NFIB: variants seen among roughly 807,000 people sequenced by gnomAD.
NFIB encodes the protein nuclear factor I B.
Under a neutral mutation model 61.5 loss-of-function variants are expected in NFIB, and 11 were observed. The ratio of observed to expected loss-of-function variants is 0.18; its 90% CI spans 0.11 to 0.30. The LOEUF (loss-of-function observed/expected upper bound fraction) is 0.30. Ranked by LOEUF, NFIB falls within the 10% of genes least tolerant of loss-of-function variation. The probability of loss-of-function intolerance (pLI) is 1.00; values close to 1 mark genes in which losing one functional copy is unlikely to be tolerated. For synonymous variants in NFIB, 260 were observed against 216.5 expected, an observed-to-expected ratio of 1.20 and a Z score of -1.76; for missense variants, 471 against 608.9, an observed-to-expected ratio of 0.77 and a Z score of 2.38.
the NFIB span, among the ~76,000 whole-genome samples, chr9:14,484,209 A>G: frequency 4.6e-5 from 7 of 152,348 alleles, no homozygotes; most frequent in Admixed American, 2.0e-4. Flanking sequence ...CTGGGGCACT[A>G]GACATAGAAT....
chr9:14,227,274 A>C (rs965566705), intron 2 of NFIB, among the ~76,000 whole-genome samples: 2 of 152,212 alleles, frequency 1.3e-5, no homozygotes. Context: ...TCATTGTCTA[A>C]ATGGATTCCC....
intron 2 of NFIB, among the ~76,000 whole-genome samples, chr9:14,287,653 C>T (rs2058806845): frequency 6.6e-6 from 1 of 151,770 alleles, no homozygotes; most frequent in Admixed American, 6.6e-5. Context: ...AACTACTGAC[C>T]TCGTGATCCG....
chr9:14,219,015 C>A (rs1300805531), intron 2 of NFIB, among the ~76,000 whole-genome samples: 1 of 152,150 alleles, frequency 6.6e-6, no homozygotes, highest in African/African-American at 2.4e-5. Flanking sequence ...TTGCCTCATT[C>A]TCCTGCTGCA....
At chr9:14,321,712 C>T (rs1257171551) in intron 1 of NFIB, among the ~76,000 whole-genome samples, 1 of 152,166 alleles carries the variant, frequency 6.6e-6, no homozygotes, top group Non-Finnish European at 1.5e-5. Flanking sequence ...GAGTGTGTCA[C>T]ATGTACTAAA....
chr9:14,323,724 C>T (rs1384959059), intron 1 of NFIB, among the ~76,000 whole-genome samples: 2 of 152,148 alleles, frequency 1.3e-5, no homozygotes, highest in Non-Finnish European at 2.9e-5. Context: ...ATTATGTTTA[C>T]CCTCAAAGTC....
chr9:14,291,096 G>A (rs2059063247), intron 2 of NFIB, among the ~76,000 whole-genome samples: 2 of 152,078 alleles, frequency 1.3e-5, no homozygotes, highest in South Asian at 4.1e-4. Context: ...GTTTCAATGT[G>A]TTAATCTTTG....
chr9:14,304,477 C>A (rs942396229), intron 2 of NFIB, among the ~76,000 whole-genome samples: 1 of 152,210 alleles, frequency 6.6e-6, no homozygotes, highest in Non-Finnish European at 1.5e-5. Flanking sequence ...TCACAGGCAT[C>A]CTGAGCTAAA....
intron 1 of NFIB, among the ~76,000 whole-genome samples, chr9:14,358,132 G>T (rs2061197412): frequency 1.3e-5 from 2 of 151,648 alleles, no homozygotes; most frequent in Non-Finnish European, 1.5e-5. Context: ...TTAAATGGAT[G>T]AATTGCACAA....
chr9:14,328,595 T>C (rs2060783250), intron 1 of NFIB, among the ~76,000 whole-genome samples: 1 of 152,076 alleles, frequency 6.6e-6, no homozygotes, highest in African/African-American at 2.4e-5. Flanking sequence ...AAAAATTTGT[T>C]TCATGTGCAT....
intron 10 of NFIB, among the ~76,000 whole-genome samples, chr9:14,098,972 A>G (rs1455129009): frequency 6.6e-6 from 1 of 152,196 alleles, no homozygotes; most frequent in Non-Finnish European, 1.5e-5. Flanking sequence ...GATGGAGGAA[A>G]TCTTCCAGCT....
intron 2 of NFIB, among the ~76,000 whole-genome samples, chr9:14,201,322 C>T (rs1485910904): frequency 6.6e-6 from 1 of 152,160 alleles, no homozygotes; most frequent in East Asian, 1.9e-4. Context: ...CCCAGCCTAG[C>T]CTCACTCTCA....
the NFIB span, among the ~76,000 whole-genome samples, chr9:14,414,560 G>A: frequency 2.3e-5 from 3 of 133,332 alleles, no homozygotes; most frequent in African/African-American, 8.4e-5. Context: ...GTAAGTAGAT[G>A]GCCTCATTTC....
intron 10 of NFIB, among the ~76,000 whole-genome samples, chr9:14,112,229 G>A (rs183059329): frequency 3.5e-3 from 526 of 152,144 alleles, no homozygotes; most frequent in Middle Eastern, 0.014. Flanking sequence ...ATTTAAATTC[G>A]GAACTGTTTA....
chr9:14,307,348 A>T lies in NFIB; in HGVS notation c.203T>A (p.Ile68Asn). The T allele has an allele frequency of 6.2e-7, 1 of 1,613,900 alleles. No homozygotes were observed. Among genetic ancestry groups the T allele is most frequent in the Non-Finnish European group, 8.5e-7 (1 of 1,179,974 alleles). Reference protein sequence around the residue: ...KDELLSEKPEIKQKWASRLLA... With the variant: ...KDELLSEKPENKQKWASRLLA... ...GAGCCTGGATGCCCACTTCTGTTTGATTTCAGGCTTTTCACTGAGAAGCTC... is the reference window on the plus strand; with the variant it reads ...GAGCCTGGATGCCCACTTCTGTTTGTTTTCAGGCTTTTCACTGAGAAGCTC... The change falls in exon 2 of 11, where the codon ATC (isoleucine) becomes AAC (asparagine). Residue 68 changes from isoleucine to asparagine, a missense_variant. Physicochemically the swap from Ile to Asn is moderately radical, Grantham distance 149. Around this residue, in one of 2 missense-constraint regions of NFIB, gnomAD observed 99 missense variants for 213.3 expected, o/e 0.46. Transcript: ENST00000380953. This position sits in a 1 kb window ranked among gnomAD's most constrained non-coding sequence, Gnocchi z 5.3.
At chr9:14,342,627 C>T (rs1285461290) in intron 1 of NFIB, among the ~76,000 whole-genome samples, 1 of 152,124 alleles carries the variant, frequency 6.6e-6, no homozygotes. Context: ...CTAAAGAGAA[C>T]CCCAACTGTG....
chr9:14,403,064 C>A (rs1387960454), upstream of NFIB, among the ~76,000 whole-genome samples: 1 of 152,200 alleles, frequency 6.6e-6, no homozygotes, highest in Non-Finnish European at 1.5e-5. Context: ...ATCATTTTGG[C>A]CGACATGTAC....
the NFIB span, among the ~76,000 whole-genome samples, chr9:14,432,087 A>G: frequency 1.1e-4 from 16 of 152,164 alleles, no homozygotes; most frequent in African/African-American, 3.6e-4. Flanking sequence ...GCTCTCTTGT[A>G]TGCTACATAT....
intron 2 of NFIB, among the ~76,000 whole-genome samples, chr9:14,212,788 A>G (rs1391663610): frequency 3.3e-5 from 5 of 152,206 alleles, no homozygotes; most frequent in East Asian, 3.8e-4. Context: ...CTTACAAAAC[A>G]CTTTCACATA....
the NFIB span, among the ~76,000 whole-genome samples, chr9:14,490,498 G>A: frequency 3.7e-4 from 57 of 152,178 alleles, no homozygotes; most frequent in East Asian, 7.1e-3. Flanking sequence ...ATTGTCAAAA[G>A]ATACTATGAA....
Sources: allele counts gnomAD v4.1 joint callset (sites outside exome capture counted in the v4.1 genomes callset), GRCh38; gene constraint gnomAD v4.1.1; regional missense constraint gnomAD v4.1.1; non-coding constraint Gnocchi (gnomAD v3.1); transcripts MANE v1.5; gene names NCBI Gene and HGNC (gene_info 2026-07-23, HGNC 2026-07-21).